Variants in SLC44A5 observed in about 807,000 individuals in gnomAD.
SLC44A5 encodes solute carrier family 44 member 5.
A neutral mutation model predicts 101.8 loss-of-function variants in SLC44A5; 57 were observed. That is an observed-to-expected ratio of 0.56 (90% CI 0.45 to 0.70). SLC44A5 has a LOEUF of 0.70. Ranked by LOEUF, SLC44A5 falls within the 30% of genes least tolerant of loss-of-function variation. The pLI is 0.00. For missense variants in SLC44A5, 737 were observed against 853.1 expected, an observed-to-expected ratio of 0.86 and a Z score of 1.70; for synonymous variants, 281 against 290.9, an observed-to-expected ratio of 0.97 and a Z score of 0.35.
At chr1:75,232,050 T>C (rs1647621861) in intron 12 of SLC44A5, among the ~76,000 whole-genome samples, 1 of 152,098 alleles carries the variant, frequency 6.6e-6, no homozygotes, top group Non-Finnish European at 1.5e-5. Context: ...GTAGCAGAGG[T>C]CAGTTACATG....
At chr1:75,640,083 G>A in the SLC44A5 span, among the ~76,000 whole-genome samples, 212 of 152,222 alleles carry the variant, frequency 1.4e-3, no homozygotes, top group African/African-American at 4.7e-3. Flanking sequence ...TTGTTACTGT[G>A]TGGCAAACCA....
the SLC44A5 span, among the ~76,000 whole-genome samples, chr1:75,664,142 T>C: frequency 6.6e-6 from 1 of 151,874 alleles, no homozygotes; most frequent in Non-Finnish European, 1.5e-5. Context: ...AAACTAGATA[T>C]CAAAAGAATA....
intron 3 of SLC44A5, among the ~76,000 whole-genome samples, chr1:75,385,533 C>A (rs1661258211): frequency 6.6e-6 from 1 of 152,030 alleles, no homozygotes; most frequent in Admixed American, 6.6e-5. Flanking sequence ...CTGAATAGAC[C>A]AATAACAGGC....
At chr1:75,666,748 C>T in the SLC44A5 span, among the ~76,000 whole-genome samples, 1 of 152,164 alleles carries the variant, frequency 6.6e-6, no homozygotes, top group East Asian at 1.9e-4. Context: ...ACGATCAAGT[C>T]AGCTTCATAC....
chr1:75,553,983 A>G (rs1024488300), intron 1 of SLC44A5, among the ~76,000 whole-genome samples: 1 of 152,136 alleles, frequency 6.6e-6, no homozygotes, highest in Non-Finnish European at 1.5e-5. Flanking sequence ...ACTGGGCGGC[A>G]CTTTCATAGA....
chr1:75,480,171 A>C (rs1313404785), intron 2 of SLC44A5, among the ~76,000 whole-genome samples: 1 of 152,230 alleles, frequency 6.6e-6, no homozygotes, highest in Non-Finnish European at 1.5e-5. Context: ...ATCTCAATAG[A>C]TGCAGAAAAG....
At chr1:75,395,572 A>C (rs542885216) in intron 3 of SLC44A5, among the ~76,000 whole-genome samples, 2 of 152,296 alleles carry the variant, frequency 1.3e-5, no homozygotes, top group South Asian at 4.1e-4. Context: ...TAAGTAGGTA[A>C]AATTAAAGTA....
At chr1:75,348,598 A>G (rs1458676019) in intron 3 of SLC44A5, among the ~76,000 whole-genome samples, 1 of 152,206 alleles carries the variant, frequency 6.6e-6, no homozygotes, top group East Asian at 1.9e-4. Context: ...CTGACAGATT[A>G]ATAACAACAA....
intron 2 of SLC44A5, among the ~76,000 whole-genome samples, chr1:75,480,548 A>C (rs1365393664): frequency 6.6e-6 from 1 of 152,228 alleles, no homozygotes; most frequent in Non-Finnish European, 1.5e-5. Flanking sequence ...AAGCAACTTC[A>C]GCAAAATCTC....
Position 75,470,523 on chromosome 1 carries a change from G to A in SLC44A5, c.13+70912C>T, listed in dbSNP as rs190002240. 3.0e-3 allele frequency among the ~76,000 whole-genome samples: 450 copies of A among 152,274 alleles called. 4 individuals are homozygous for A. The highest frequency in any genetic ancestry group is 0.028 in the South Asian group (137 of 4,822). ...ATAGGCATCTAAATTATTATATAGT[G>A]TGAAGACTACCAAGATAGGGAAGGT... On this transcript the variant is annotated intron_variant, in intron 2 of 23. Coordinates refer to ENST00000370859, the MANE Select transcript of SLC44A5 (RefSeq NM_001130058.2).
At chr1:75,598,475 G>A (rs558877266) in intron 1 of SLC44A5, among the ~76,000 whole-genome samples, 10 of 152,254 alleles carry the variant, frequency 6.6e-5, no homozygotes, top group East Asian at 1.9e-4. Context: ...ACATGTACAC[G>A]TATGTTCACT....
At chr1:75,213,534 C>T (rs1231020939) in intron 22 of SLC44A5, among the ~76,000 whole-genome samples, 171 bp downstream of exon 22, 1 of 152,138 alleles carries the variant, frequency 6.6e-6, no homozygotes, top group Non-Finnish European at 1.5e-5. Context: ...AGGAGGGTGT[C>T]TCTCTGCTCA....
chr1:75,714,740 G>A, the SLC44A5 span, among the ~76,000 whole-genome samples: 10 of 152,042 alleles, frequency 6.6e-5, no homozygotes, highest in Non-Finnish European at 1.3e-4. Context: ...GCAGTGGCGC[G>A]ATCTCAGCTC....
At chr1:75,673,482 G>T in the SLC44A5 span, among the ~76,000 whole-genome samples, 2 of 152,120 alleles carry the variant, frequency 1.3e-5, no homozygotes, top group African/African-American at 4.8e-5. Context: ...ACTAGGGGAA[G>T]GGGGGAGCTC....
intron 12 of SLC44A5, among the ~76,000 whole-genome samples, chr1:75,230,530 T>C (rs763123636): frequency 2.0e-5 from 3 of 152,192 alleles, no homozygotes; most frequent in African/African-American, 4.8e-5. Flanking sequence ...ATTACAGGTG[T>C]GAGCCACTGT....
intron 1 of SLC44A5, among the ~76,000 whole-genome samples, chr1:75,603,928 GCA>G (rs1476133342): frequency 2.0e-5 from 3 of 151,702 alleles, no homozygotes; most frequent in African/African-American, 7.3e-5. Context: ...TCTGTCAGAT[GCA>G]CAGTTTGTGA....
intron 1 of SLC44A5, among the ~76,000 whole-genome samples, chr1:75,549,006 C>T (rs1671796224): frequency 6.6e-6 from 1 of 152,132 alleles, no homozygotes; most frequent in African/African-American, 2.4e-5. Context: ...AAAGCTATGG[C>T]TATAATCTCA....
At chr1:75,298,656 G>A (rs1321951882) in intron 5 of SLC44A5, among the ~76,000 whole-genome samples, 1 of 151,996 alleles carries the variant, frequency 6.6e-6, no homozygotes, top group African/African-American at 2.4e-5. Flanking sequence ...AAGGAATAAG[G>A]CCTCCTAGTG....
chr1:75,275,082 G>C (rs1469964832), intron 5 of SLC44A5, 40 bp from the exon 6 acceptor site: 1 of 1,529,984 alleles, frequency 6.5e-7, no homozygotes, highest in East Asian at 2.3e-5. Context: ...ATCAGCAAAA[G>C]CCAGCTAAAG....
Sources: gnomAD v4.1 joint callset for allele counts (sites outside exome capture counted in the v4.1 genomes callset) on GRCh38, gnomAD v4.1.1 for gene constraint, MANE v1.5 for transcripts, NCBI Gene and HGNC (gene_info 2026-07-23, HGNC 2026-07-21) for gene names.